The following CMTM4 variants were observed in gnomAD, a reference collection of about 807,000 sequenced individuals.
The protein encoded by CMTM4 is CKLF-like MARVEL transmembrane domain-containing protein 4.
A neutral mutation model predicts 19.0 loss-of-function variants in CMTM4; 8 were observed. The ratio of observed to expected loss-of-function variants is 0.42; its 90% CI spans 0.25 to 0.76. CMTM4 has a LOEUF of 0.76. Among genes scored for constraint, CMTM4 ranks in the 30% least tolerant of loss-of-function variants. The pLI is 0.27. For synonymous variants in CMTM4, 106 were observed against 121.1 expected (o/e 0.88, Z 0.82); for missense variants, 228 against 290.2 (o/e 0.79, Z 1.56).
At chr16:66,644,845 A>C (rs895627039) in intron 1 of CMTM4, among the ~76,000 whole-genome samples, 2 of 152,226 alleles carry the variant, frequency 1.3e-5, no homozygotes, top group African/African-American at 4.8e-5. Context: ...AGAAATGCAA[A>C]CTGAGGTACC....
chr16:66,637,630 T>TA (rs2016021504), intron 1 of CMTM4, among the ~76,000 whole-genome samples: 1 of 152,098 alleles, frequency 6.6e-6, no homozygotes, highest in South Asian at 2.1e-4. Flanking sequence ...TAAAATCAAA[T>TA]AGATATTGAT....
intron 2 of CMTM4, among the ~76,000 whole-genome samples, chr16:66,628,028 G>C (rs1309941740): frequency 1.3e-5 from 2 of 152,192 alleles, no homozygotes; most frequent in African/African-American, 4.8e-5. Flanking sequence ...AAGTTCAAGG[G>C]GAGGTACTAT....
At chr16:66,611,907 G>GT (rs2015389928), downstream of CMTM4, among the ~76,000 whole-genome samples, 1 of 152,058 alleles carries the variant, frequency 6.6e-6, no homozygotes, top group South Asian at 2.1e-4. Flanking sequence ...GTATATTTTA[G>GT]TTTGGGGGAC....
intron 1 of CMTM4, among the ~76,000 whole-genome samples, chr16:66,665,764 C>T (rs989146275): frequency 8.0e-5 from 12 of 150,034 alleles, no homozygotes; most frequent in African/African-American, 2.4e-4. Context: ...TGAGACAGAG[C>T]GAGACTCTGT....
chr16:66,610,015 C>G, downstream of CMTM4: 1 of 1,614,114 alleles, frequency 6.2e-7, no homozygotes, highest in Non-Finnish European at 8.5e-7. This position sits in a 1 kb window ranked among gnomAD's most constrained non-coding sequence, Gnocchi z 4.6. Context: ...TAAGCGGCTG[C>G]CCTGATCACC....
intron 1 of CMTM4, among the ~76,000 whole-genome samples, chr16:66,661,159 T>C (rs1031569214): frequency 2.0e-5 from 3 of 152,196 alleles, no homozygotes; most frequent in African/African-American, 7.2e-5. Context: ...GGAGAAAACA[T>C]ACAAAGCTGG....
the CMTM4 span, chr16:66,604,126 T>TGCGC: frequency 4.6e-5 from 7 of 152,160 alleles, no homozygotes; most frequent in East Asian, 2.0e-4. Context: ...TGTGTGTGTT[T>TGCGC]GCGCGCGCGC....
intron 1 of CMTM4, among the ~76,000 whole-genome samples, chr16:66,683,293 T>C (rs2016974915): frequency 8.2e-6 from 1 of 122,634 alleles, no homozygotes; most frequent in African/African-American, 3.1e-5. Flanking sequence ...TTTCTTTTTT[T>C]TTTTTTTTTT....
At chr16:66,692,189 C>G (rs2017147887) in intron 1 of CMTM4, among the ~76,000 whole-genome samples, 1 of 152,112 alleles carries the variant, frequency 6.6e-6, no homozygotes, top group Non-Finnish European at 1.5e-5. Flanking sequence ...CTCCCAGGTT[C>G]AAGCGCTTCT....
Position 66,618,112 on chromosome 16 carries a change from A to T in CMTM4, c.*3946T>A. On this transcript the variant is annotated 3_prime_UTR_variant, in exon 4 of 4. Coordinates refer to ENST00000394106, the MANE Select transcript of CMTM4 (RefSeq NM_181521.3). ...ATAAAATAAGACAAACCTGGAAAAA[A>T]CCCTGGATTCTGCAACTTCACTAGG... 1 of 985,276 alleles carries T rather than the reference A, an allele frequency of 1.0e-6. No individual in the cohort carries two copies. The highest frequency in any genetic ancestry group is 1.7e-5 in the African/African-American group (1 of 57,280). 61.0% of individuals were successfully genotyped at this position (985,276 alleles called of 1,614,324 possible).
intron 1 of CMTM4, among the ~76,000 whole-genome samples, chr16:66,649,459 C>CATCTGTCT (rs1555500124): frequency 1.3e-5 from 2 of 149,386 alleles, no homozygotes; most frequent in African/African-American, 4.9e-5. Flanking sequence ...TCTATCTATC[C>CATCTGTCT]ATCTATCTAT....
intron 1 of CMTM4, among the ~76,000 whole-genome samples, chr16:66,648,678 T>C (rs1326308832): frequency 6.8e-6 from 1 of 147,658 alleles, no homozygotes; most frequent in Non-Finnish European, 1.5e-5. Context: ...AAGAAATAAA[T>C]CTCAGCCCCC....
In CMTM4 at chr16:66,622,334, C is replaced by T; in HGVS notation, c.463-112G>A. 2 of 1,170,614 alleles carry T rather than the reference C, an allele frequency of 1.7e-6. No homozygotes were observed. The highest frequency in any genetic ancestry group is 2.4e-6 in the Non-Finnish European group (2 of 829,676). The allele number at this position is 1,170,614 out of a possible 1,614,324, so 72.5% of individuals were successfully genotyped here. ...TTCCTGCTCTGCCAGCTGATCATTA[C>T]AACCCTGTGCCTTCATTCCTTGATC... On this transcript the variant is annotated intron_variant, in intron 3 of 3. Coordinates refer to ENST00000394106, the MANE Select transcript of CMTM4 (RefSeq NM_181521.3). The surrounding 1 kb of genome is among the most constrained non-coding windows in gnomAD (Gnocchi z 4.0).
intron 1 of CMTM4, among the ~76,000 whole-genome samples, chr16:66,642,028 G>T (rs2016105427): frequency 6.6e-6 from 1 of 152,104 alleles, no homozygotes; most frequent in Non-Finnish European, 1.5e-5. Context: ...ATCCCCTATT[G>T]ATAGGCATTT....
At chr16:66,666,432 G>A (rs1431839414) in intron 1 of CMTM4, among the ~76,000 whole-genome samples, 13 of 151,892 alleles carry the variant, frequency 8.6e-5, no homozygotes, top group East Asian at 1.9e-4. Context: ...CAGCCTGGGC[G>A]ACAGAGCAAG....
At chr16:66,609,487 C>A in the CMTM4 span, 1 of 1,611,476 alleles carries the variant, frequency 6.2e-7, no homozygotes, top group Non-Finnish European at 8.5e-7. The surrounding 1 kb of genome is among the most constrained non-coding windows in gnomAD (Gnocchi z 4.4). Flanking sequence ...ATCTCCATCA[C>A]GGCCATCGCC....
chr16:66,613,333 A>C, downstream of CMTM4: 1 of 572,458 alleles, frequency 1.7e-6, no homozygotes, highest in East Asian at 2.9e-5. Context: ...TGACTGGTCC[A>C]GAAGACAGAG....
At chr16:66,648,993 GGAAAA>G (rs986515275) in intron 1 of CMTM4, among the ~76,000 whole-genome samples, 5 of 152,106 alleles carry the variant, frequency 3.3e-5, no homozygotes, top group South Asian at 2.1e-4. Context: ...AAAAGGAAAA[GGAAAA>G]GAAAAGAAAA....
At chr16:66,607,861 C>T in the CMTM4 span, among the ~76,000 whole-genome samples, 6 of 150,204 alleles carry the variant, frequency 4.0e-5, no homozygotes, top group East Asian at 2.0e-4. Flanking sequence ...GGGGCGGGTG[C>T]GGACAGGGTC....
Sources: allele counts gnomAD v4.1 joint callset (sites outside exome capture counted in the v4.1 genomes callset), GRCh38; gene constraint gnomAD v4.1.1; non-coding constraint Gnocchi (gnomAD v3.1); transcripts MANE v1.5; gene names NCBI Gene and HGNC (gene_info 2026-07-23, HGNC 2026-07-21).